The following EPHA3 variants were observed in gnomAD, a reference collection of about 807,000 sequenced individuals.
The protein encoded by EPHA3 is ephrin type-A receptor 3.
A neutral mutation model predicts 107.1 loss-of-function variants in EPHA3; 42 were observed. The ratio of observed to expected loss-of-function variants is 0.39; its 90% confidence interval spans 0.31 to 0.51. EPHA3 has a LOEUF of 0.51. Ranked by LOEUF, EPHA3 falls within the 20% of genes least tolerant of loss-of-function variation. The pLI, the probability that EPHA3 is intolerant of heterozygous loss-of-function variation, is 0.78. For synonymous variants in EPHA3, 461 were observed against 424.8 expected (o/e 1.09, Z -1.05); for missense variants, 1,183 against 1,211.2 (o/e 0.98, Z 0.35).
At chr3:89,275,995 AC>A (rs1220416599) in intron 3 of EPHA3, among the ~76,000 whole-genome samples, 1 of 152,054 alleles carries the variant, frequency 6.6e-6, no homozygotes, top group Admixed American at 6.6e-5. Context: ...CTGAACTAGA[AC>A]CAGCAGGGTG....
chr3:89,436,620 GA>G (rs1330743890), intron 13 of EPHA3, among the ~76,000 whole-genome samples: 1 of 152,160 alleles, frequency 6.6e-6, no homozygotes, highest in Non-Finnish European at 1.5e-5. Context: ...GTGACAGGCA[GA>G]ATAGAGGAAT....
chr3:89,142,750 C>T (rs1704457518), intron 2 of EPHA3, among the ~76,000 whole-genome samples: 1 of 151,348 alleles, frequency 6.6e-6, no homozygotes, highest in Non-Finnish European at 1.5e-5. Context: ...TTAAATTGTA[C>T]ATACTTTATT....
At chr3:89,361,260 A>G (rs1172039284) in intron 5 of EPHA3, among the ~76,000 whole-genome samples, 3 of 151,004 alleles carry the variant, frequency 2.0e-5, no homozygotes, top group Non-Finnish European at 1.5e-5. Context: ...CCTAATCTAT[A>G]CTTTTTGTTA....
At chr3:89,189,493 T>A (rs762811213) in intron 2 of EPHA3, among the ~76,000 whole-genome samples, 3 of 152,172 alleles carry the variant, frequency 2.0e-5, no homozygotes, top group Non-Finnish European at 2.9e-5. Context: ...CTTGGGAGGC[T>A]GAGGCAGGAG....
At chr3:89,212,696 T>A (rs1415912733) in intron 3 of EPHA3, among the ~76,000 whole-genome samples, 1 of 151,930 alleles carries the variant, frequency 6.6e-6, no homozygotes, top group East Asian at 1.9e-4. Context: ...TTTTATATAG[T>A]CAGTTAATTA....
chr3:89,459,577 G>C lies in EPHA3; in HGVS notation c.2690+9207G>C, dbSNP rs550356889. Reference sequence around the variant, plus strand: ...TTCTTGACAGTGTTTCACTCTTGTCGCCCGGGCTGGCATGCAATGGTGCCA... The same window carrying C: ...TTCTTGACAGTGTTTCACTCTTGTCCCCCGGGCTGGCATGCAATGGTGCCA... On this transcript the variant is annotated intron_variant, in intron 15 of 16. Coordinates refer to ENST00000336596, the MANE Select transcript of EPHA3 (RefSeq NM_005233.6). Among the ~76,000 whole-genome samples, 8 of 147,748 alleles carry C rather than the reference G, an allele frequency of 5.4e-5. No homozygotes were observed. The Admixed American group carries it at 5.5e-4, about 10-fold the overall frequency.
chr3:89,399,924 G>A, intron 7 of EPHA3: 1 of 1,054,806 alleles, frequency 9.5e-7, no homozygotes, highest in Non-Finnish European at 1.1e-6. Context: ...GAGAGAATAA[G>A]GATTTTCTAA....
At chr3:89,444,610 T>C (rs1420686513) in intron 13 of EPHA3, among the ~76,000 whole-genome samples, 1 of 152,142 alleles carries the variant, frequency 6.6e-6, no homozygotes, top group Non-Finnish European at 1.5e-5. Flanking sequence ...ACAGTAAATG[T>C]AACAATTAAA....
chr3:89,324,234 C>T (rs1408204685), intron 3 of EPHA3, among the ~76,000 whole-genome samples: 2 of 142,604 alleles, frequency 1.4e-5, no homozygotes, highest in Middle Eastern at 3.5e-3. Context: ...GTGATGCAAT[C>T]TTGGCTCACC....
chr3:89,273,868 C>T (rs1012363202), intron 3 of EPHA3, among the ~76,000 whole-genome samples: 1 of 151,890 alleles, frequency 6.6e-6, no homozygotes, highest in African/African-American at 2.4e-5. Flanking sequence ...AGCCTTCTTG[C>T]ATTTAGGAAC....
At chr3:89,419,125 G>T in intron 10 of EPHA3, 80 bp from the exon 11 acceptor site, 1 of 1,372,022 alleles carries the variant, frequency 7.3e-7, no homozygotes, top group Non-Finnish European at 9.8e-7. Flanking sequence ...TGGAAATTTT[G>T]AAATAAAACA....
intron 2 of EPHA3, among the ~76,000 whole-genome samples, chr3:89,182,378 A>G (rs934907576): frequency 2.0e-5 from 3 of 151,730 alleles, no homozygotes; most frequent in African/African-American, 7.3e-5. Flanking sequence ...TAGCCTAGTC[A>G]CTGAAGTTTA....
At chr3:89,374,718 A>C (rs1358435856) in intron 5 of EPHA3, among the ~76,000 whole-genome samples, 2 of 151,628 alleles carry the variant, frequency 1.3e-5, no homozygotes, top group Non-Finnish European at 2.9e-5. Context: ...TTGTCATGAT[A>C]CATCTCAGCT....
chr3:89,391,694 A>G (rs1708746022), intron 5 of EPHA3, among the ~76,000 whole-genome samples: 1 of 151,440 alleles, frequency 6.6e-6, no homozygotes, highest in South Asian at 2.1e-4. Context: ...CGGCCTCCCA[A>G]AGTGCTGGGA....
rs2107421297 is a variant in EPHA3, at chr3:89,342,066, G to A, written c.1282G>A (p.Val428Ile). 1 of 1,610,504 alleles carries A rather than the reference G, an allele frequency of 6.2e-7. No individual in the cohort carries two copies. Among genetic ancestry groups the A allele is most frequent in the Non-Finnish European group, 8.5e-7 (1 of 1,179,212 alleles). ...LSSPPRQFAA[V>I]SITTNQAAPS... The stretch of plus-strand genomic sequence containing the variant: ...CTCCCCACCAAGACAGTTTGCTGCG[G>A]TCAGCATCACAACTAATCAGGCTGG... Residue 428 changes from valine to isoleucine, a missense_variant, in exon 5 of 17, where the codon GTC (valine) becomes ATC (isoleucine). By Grantham distance (29) the Val-to-Ile change is conservative. Coordinates refer to ENST00000336596, the MANE Select transcript of EPHA3 (RefSeq NM_005233.6).
intron 5 of EPHA3, among the ~76,000 whole-genome samples, chr3:89,353,221 G>A (rs372391903): frequency 1.7e-4 from 25 of 151,362 alleles, no homozygotes; most frequent in Middle Eastern, 3.4e-3. Context: ...GTATGTTGCC[G>A]TGTAATTATA....
At chr3:89,285,100 G>T (rs1453287154) in intron 3 of EPHA3, among the ~76,000 whole-genome samples, 3 of 152,130 alleles carry the variant, frequency 2.0e-5, no homozygotes, top group Admixed American at 2.0e-4. Flanking sequence ...TCCAGCTTGG[G>T]CAACAGAGCG....
chr3:89,189,342 C>A (rs1350959282), intron 2 of EPHA3, among the ~76,000 whole-genome samples: 1 of 152,150 alleles, frequency 6.6e-6, no homozygotes, highest in Non-Finnish European at 1.5e-5. Flanking sequence ...CGTCTGTAAT[C>A]CCAGCACTTT....
chr3:89,258,177 T>C (rs1436931661), intron 3 of EPHA3, among the ~76,000 whole-genome samples: 1 of 152,114 alleles, frequency 6.6e-6, no homozygotes, highest in African/African-American at 2.4e-5. Flanking sequence ...TCCATCCAGA[T>C]TGTAGGACAT....
Sources: allele counts gnomAD v4.1 joint callset (sites outside exome capture counted in the v4.1 genomes callset), GRCh38; gene constraint gnomAD v4.1.1; transcripts MANE v1.5; gene names NCBI Gene and HGNC (gene_info 2026-07-23, HGNC 2026-07-21).